The following INTS7 variants were observed in gnomAD, a reference collection of about 807,000 sequenced individuals.
INTS7 encodes the protein chromosome 1 open reading frame 73.
In INTS7, 46 loss-of-function variants were observed where a neutral mutation model predicts 109.2. That is an observed-to-expected ratio of 0.42 (90% CI 0.33 to 0.54). The LOEUF (loss-of-function observed/expected upper bound fraction) is 0.54, where lower values mean the gene tolerates loss of function less well. Ranked by LOEUF, INTS7 falls within the 20% of genes least tolerant of loss-of-function variation. The pLI, the probability that INTS7 is intolerant of heterozygous loss-of-function variation, is 0.07. For missense variants in INTS7, 929 were observed against 1,132.4 expected (o/e 0.82, Z 2.58); for synonymous variants, 412 against 402.9 (o/e 1.02, Z -0.27).
In INTS7 at chr1:211,941,609, C is replaced by T. The variant is rs1662633151; in HGVS notation, c.*215G>A. 1.7e-6 allele frequency: 1 copy of T among 603,412 alleles called. No individual in the cohort carries two copies. The highest frequency in any genetic ancestry group is 3.0e-5 in the East Asian group (1 of 33,662). 37.4% of individuals were successfully genotyped at this position (603,412 alleles called of 1,614,324 possible). A position where few individuals can be genotyped will look rare whatever the true frequency, so the allele number is the denominator to read the frequency against. On this transcript the variant is annotated 3_prime_UTR_variant, in exon 20 of 20. Coordinates refer to ENST00000366994, the MANE Select transcript of INTS7 (RefSeq NM_015434.4). ...CTCCTCGTGAGCCGCCCACCTCAGCCTCCCAAAGTGCTGGGATTACAGGCG... is the reference window on the plus strand; with the variant it reads ...CTCCTCGTGAGCCGCCCACCTCAGCTTCCCAAAGTGCTGGGATTACAGGCG...
intron 19 of INTS7, among the ~76,000 whole-genome samples, chr1:211,943,121 T>C (rs965984325): frequency 2.0e-5 from 3 of 152,020 alleles, no homozygotes; most frequent in African/African-American, 7.2e-5. Flanking sequence ...TTTATTTCCC[T>C]AAAGAATATG....
intron 7 of INTS7, among the ~76,000 whole-genome samples, chr1:212,005,875 A>G (rs1459136743): frequency 2.0e-5 from 3 of 152,154 alleles, no homozygotes; most frequent in African/African-American, 7.2e-5. Flanking sequence ...ATCAAATCAT[A>G]ATATAGTAAA....
chr1:211,990,148 A>T (rs1472786084), intron 7 of INTS7, among the ~76,000 whole-genome samples: 2 of 152,146 alleles, frequency 1.3e-5, no homozygotes, highest in East Asian at 3.8e-4. Flanking sequence ...CTTTTCTGAA[A>T]ATTTATGCTC....
chr1:212,015,076 A>G (rs865779157), intron 4 of INTS7, among the ~76,000 whole-genome samples: 2 of 141,462 alleles, frequency 1.4e-5, no homozygotes, highest in East Asian at 2.0e-4. Flanking sequence ...CAGCCGCCCC[A>G]TCCGGGAGGT....
chr1:211,964,135 G>A (rs1247971558), intron 16 of INTS7, among the ~76,000 whole-genome samples: 3 of 151,948 alleles, frequency 2.0e-5, no homozygotes, highest in Non-Finnish European at 2.9e-5. Flanking sequence ...AAACAACTTC[G>A]GCAAAGATCC....
At chr1:211,958,385 C>T (rs576854960) in intron 16 of INTS7, among the ~76,000 whole-genome samples, 54 of 151,960 alleles carry the variant, frequency 3.6e-4, no homozygotes, top group African/African-American at 1.3e-3. Context: ...ATATTCTGAT[C>T]TTTCTTCCCT....
Position 211,983,815 on chromosome 1 carries a change from A to G in INTS7, c.998-1005T>C, listed in dbSNP as rs1664768404. Reference sequence around the variant, plus strand: ...GTTTAATATAATACAAGTTTAAGAGAGAGCCTCAGTGTTTTTTGGGTTTTT... The same window carrying G: ...GTTTAATATAATACAAGTTTAAGAGGGAGCCTCAGTGTTTTTTGGGTTTTT... On this transcript the variant is annotated intron_variant, in intron 8 of 19. Transcript: ENST00000366994. Among the ~76,000 whole-genome samples the G allele has an allele frequency of 2.6e-5, 4 of 151,442 alleles. No individual in the cohort carries two copies. The South Asian group carries it at 8.4e-4, about 32-fold the overall frequency.
chr1:212,015,319 T>TAGAAAGAA (rs1666374200), intron 4 of INTS7, among the ~76,000 whole-genome samples: 3 of 152,254 alleles, frequency 2.0e-5, no homozygotes, highest in East Asian at 3.9e-4. Context: ...TGTGTCTGTG[T>TAGAAAGAA]AGAAAGAAGT....
At chr1:212,025,489 A>AC (rs990475988) in intron 1 of INTS7, 1 of 152,104 alleles carries the variant, frequency 6.6e-6, no homozygotes, top group African/African-American at 2.4e-5. Flanking sequence ...AAAATTAAAA[A>AC]AAAAACCCAA....
At chr1:211,972,771 C>G (rs926198746) in intron 13 of INTS7, among the ~76,000 whole-genome samples, 3 of 152,146 alleles carry the variant, frequency 2.0e-5, no homozygotes, top group Admixed American at 6.6e-5. Flanking sequence ...TCTTGCTGGT[C>G]TGGAAGAACC....
At chr1:212,031,512 A>C (rs1047469141) in intron 1 of INTS7, among the ~76,000 whole-genome samples, 7 of 152,198 alleles carry the variant, frequency 4.6e-5, no homozygotes, top group African/African-American at 2.4e-5. Context: ...TCAGCCTACA[A>C]CTTTCAATGC....
At chr1:212,012,089 A>G (rs1391762152) in intron 4 of INTS7, among the ~76,000 whole-genome samples, 3 of 152,180 alleles carry the variant, frequency 2.0e-5, no homozygotes, top group Non-Finnish European at 4.4e-5. Context: ...GGCTGGTGCC[A>G]TGGGGCACTT....
chr1:212,017,641 C>G (rs183339973), intron 3 of INTS7, among the ~76,000 whole-genome samples: 4 of 152,320 alleles, frequency 2.6e-5, no homozygotes, highest in Admixed American at 2.0e-4. Context: ...GTATAAACTA[C>G]AGAAAGTAGT....
chr1:211,997,550 A>AAG (rs1665460267), intron 7 of INTS7, among the ~76,000 whole-genome samples: 7 of 143,922 alleles, frequency 4.9e-5, no homozygotes, highest in Admixed American at 6.9e-5. Context: ...AAAAAAAAAA[A>AAG]GGGAGAGATG....
At chr1:212,016,074 T>C (rs982696683) in intron 4 of INTS7, among the ~76,000 whole-genome samples, 5 of 152,350 alleles carry the variant, frequency 3.3e-5, no homozygotes, top group Non-Finnish European at 5.9e-5. Flanking sequence ...TACCGTATTC[T>C]ATTGTATGAT....
chr1:211,945,155 A>C (rs543297427), intron 18 of INTS7, among the ~76,000 whole-genome samples, 186 bp from the exon 19 acceptor site: 1 of 152,220 alleles, frequency 6.6e-6, no homozygotes, highest in South Asian at 2.1e-4. Context: ...TCTAAACATC[A>C]CTGTGGTTTT....
chr1:211,983,158 C>T (rs1664737351), intron 8 of INTS7, among the ~76,000 whole-genome samples: 2 of 152,008 alleles, frequency 1.3e-5, no homozygotes, highest in South Asian at 2.1e-4. Flanking sequence ...TCTTGTCAGA[C>T]AAAACCATAC....
chr1:211,975,244 T>C lies in INTS7; in HGVS notation c.1737A>G (p.Gln579=). 6.2e-7 allele frequency: 1 copy of C among 1,613,946 alleles called. No homozygotes were observed. The highest frequency in any genetic ancestry group is 8.5e-7 in the Non-Finnish European group (1 of 1,179,820). ...AAAGTGCTGAACTATAATTTTCCTC[T>C]TGCAACCCAGTGAGACACTGTTCTG... The part of the protein sequence containing the change: ...SHAEQCLTGL[Q]EENYSSALSC... Residue 579 remains glutamine (Q), a synonymous_variant, in exon 13 of 20, where the codon CAA becomes CAG. Coordinates refer to ENST00000366994, the MANE Select transcript of INTS7 (RefSeq NM_015434.4).
intron 1 of INTS7, among the ~76,000 whole-genome samples, chr1:212,034,708 T>G (rs1018031361): frequency 6.6e-6 from 1 of 152,188 alleles, no homozygotes; most frequent in Non-Finnish European, 1.5e-5. Context: ...GTACCCACTT[T>G]GCAGACGACA....
Sources: gnomAD v4.1 joint callset for allele counts (sites outside exome capture counted in the v4.1 genomes callset) on GRCh38, gnomAD v4.1.1 for gene constraint, MANE v1.5 for transcripts, NCBI Gene and HGNC (gene_info 2026-07-23, HGNC 2026-07-21) for gene names.